The following CEP128 variants were observed in gnomAD, a reference collection of about 807,000 sequenced individuals.
The protein encoded by CEP128 is centrosomal protein 128, also known as centrosomal protein 128kDa.
CEP128 carries 132 observed loss-of-function variants against 156.7 expected under a neutral mutation model. That is an observed-to-expected ratio of 0.84 (90% CI 0.73 to 0.97). The LOEUF (loss-of-function observed/expected upper bound fraction) is 0.97. Among genes scored for constraint, CEP128 ranks in the 50% least tolerant of loss-of-function variants. The pLI is 0.00. For missense variants in CEP128, 1,252 were observed against 1,281.9 expected (o/e 0.98, Z 0.36); for synonymous variants, 469 against 448.9 (o/e 1.04, Z -0.57).
At chr14:80,546,916 TTAAA>T (rs1890011165) in intron 21 of CEP128, among the ~76,000 whole-genome samples, 1 of 152,190 alleles carries the variant, frequency 6.6e-6, no homozygotes, top group Admixed American at 6.5e-5. Flanking sequence ...TATATTAGTG[TTAAA>T]TAATTAACAA....
At chr14:80,724,865 T>C (rs1406790772) in intron 19 of CEP128, among the ~76,000 whole-genome samples, 2 of 151,230 alleles carry the variant, frequency 1.3e-5, no homozygotes, top group East Asian at 3.9e-4. Flanking sequence ...CTAGCCTCCT[T>C]GCCTTGTTGT....
intron 4 of CEP128, among the ~76,000 whole-genome samples, chr14:80,906,874 C>T (rs1302023014): frequency 5.3e-5 from 8 of 152,118 alleles, no homozygotes; most frequent in Non-Finnish European, 1.2e-4. Flanking sequence ...TGCTGGGAAA[C>T]TTCGGGTCTA....
intron 19 of CEP128, 45 bp from the exon 20 acceptor site, chr14:80,580,468 C>T (rs753935567): frequency 5.0e-6 from 6 of 1,190,730 alleles, no homozygotes; most frequent in East Asian, 2.4e-5. Context: ...AATGTAAAAA[C>T]GAGTTGCCTC....
chr14:80,501,970 C>A (rs959064125), intron 24 of CEP128, among the ~76,000 whole-genome samples: 26 of 152,122 alleles, frequency 1.7e-4, no homozygotes, highest in African/African-American at 6.3e-4. Flanking sequence ...GGCGAAAACC[C>A]AACAACCTGG....
chr14:80,882,064 G>C (rs2090826626), intron 8 of CEP128, among the ~76,000 whole-genome samples: 1 of 151,984 alleles, frequency 6.6e-6, no homozygotes, highest in African/African-American at 2.4e-5. Flanking sequence ...CAGGCAATCA[G>C]AGCAAAAATG....
chr14:80,610,950 C>T (rs1053372660), intron 19 of CEP128, among the ~76,000 whole-genome samples: 1 of 151,868 alleles, frequency 6.6e-6, no homozygotes, highest in East Asian at 1.9e-4. Flanking sequence ...ATGCCATCAT[C>T]TAGGTAAAAA....
At chr14:80,711,451 A>G (rs1897404118) in intron 19 of CEP128, among the ~76,000 whole-genome samples, 1 of 152,078 alleles carries the variant, frequency 6.6e-6, no homozygotes, top group African/African-American at 2.4e-5. Context: ...CTAGCTTATA[A>G]GAGATAATAT....
At chr14:80,825,672 A>G (rs900054547) in intron 13 of CEP128, among the ~76,000 whole-genome samples, 7 of 152,248 alleles carry the variant, frequency 4.6e-5, no homozygotes, top group African/African-American at 1.4e-4. Context: ...GCTTTCTGCA[A>G]CTCAGAGAGT....
chr14:80,744,321 C>CT (rs1898987146), intron 18 of CEP128, among the ~76,000 whole-genome samples: 1 of 152,078 alleles, frequency 6.6e-6, no homozygotes, highest in Non-Finnish European at 1.5e-5. Context: ...ATGAAATGTA[C>CT]TGTCTGTAGG....
intron 14 of CEP128, among the ~76,000 whole-genome samples, chr14:80,787,991 T>A (rs976885920): frequency 6.6e-6 from 1 of 152,154 alleles, no homozygotes; most frequent in Non-Finnish European, 1.5e-5. Context: ...TTCACATCAA[T>A]TCCTGACAAG....
intron 6 of CEP128, among the ~76,000 whole-genome samples, chr14:80,904,254 A>C (rs1321052098): frequency 6.6e-6 from 1 of 152,110 alleles, no homozygotes; most frequent in African/African-American, 2.4e-5. Context: ...GACAAACACT[A>C]TATGATCCCA....
intron 19 of CEP128, among the ~76,000 whole-genome samples, chr14:80,637,415 T>C (rs1894230901): frequency 6.6e-6 from 1 of 152,164 alleles, no homozygotes; most frequent in African/African-American, 2.4e-5. Context: ...AGAAAAAAGA[T>C]GAGACCTTGA....
chr14:80,740,108 T>C (rs1486093888), intron 19 of CEP128, among the ~76,000 whole-genome samples: 1 of 152,194 alleles, frequency 6.6e-6, no homozygotes, highest in Admixed American at 6.5e-5. Context: ...ATTTTTTTTT[T>C]CACTAAATAT....
At chr14:80,888,011 A>G in intron 8 of CEP128, among the ~76,000 whole-genome samples, 1 of 152,226 alleles carries the variant, frequency 6.6e-6, no homozygotes, top group East Asian at 1.9e-4. Flanking sequence ...CTCTATGTAA[A>G]TATACCAGAA....
At position 80,871,881 on chromosome 14, in the gene CEP128, G is replaced by A. The variant is rs138368445; in HGVS notation, c.646-9008C>T. Among the ~76,000 whole-genome samples the A allele has an allele frequency of 5.9e-5, 9 of 152,160 alleles. No homozygotes were observed. In the East Asian group the frequency reaches 9.7e-4, roughly 16 times the overall value. ...AATGAAAGGTCAAACAAAAGAAAAAGCATTCTGTTTAAAAGATGGTATTCT... is the reference window on the plus strand; with the variant it reads ...AATGAAAGGTCAAACAAAAGAAAAAACATTCTGTTTAAAAGATGGTATTCT... On this transcript the variant is annotated intron_variant, in intron 8 of 24. Coordinates refer to ENST00000555265, the MANE Select transcript of CEP128 (RefSeq NM_152446.5).
At chr14:80,774,404 T>C (rs146810206) in intron 16 of CEP128, among the ~76,000 whole-genome samples, 185 of 152,328 alleles carry the variant, frequency 1.2e-3, no homozygotes, top group African/African-American at 4.3e-3. Flanking sequence ...CCCCTTTTGA[T>C]TGTAGCAGAG....
intron 14 of CEP128, among the ~76,000 whole-genome samples, chr14:80,482,013 G>A (rs1887063372): frequency 6.6e-6 from 1 of 152,218 alleles, no homozygotes; most frequent in Admixed American, 6.5e-5. Context: ...CTTGTCAAGG[G>A]ACAAAGAGAG....
chr14:80,863,021 T>A (rs1164143640), intron 8 of CEP128, 148 bp from the exon 9 acceptor site: 5 of 522,984 alleles, frequency 9.6e-6, no homozygotes, highest in Non-Finnish European at 1.7e-5. Flanking sequence ...GACGCTAACA[T>A]GAAATAGCTG....
At chr14:80,757,406 T>C (rs1192939720) in intron 17 of CEP128, among the ~76,000 whole-genome samples, 1 of 152,222 alleles carries the variant, frequency 6.6e-6, no homozygotes, top group Non-Finnish European at 1.5e-5. Flanking sequence ...GGCCATTTTG[T>C]CTTATCAATG....
Sources: gnomAD v4.1 joint callset for allele counts (sites outside exome capture counted in the v4.1 genomes callset) on GRCh38, gnomAD v4.1.1 for gene constraint, MANE v1.5 for transcripts, NCBI Gene and HGNC (gene_info 2026-07-23, HGNC 2026-07-21) for gene names.